Variants in ZNF710 observed in about 807,000 individuals in gnomAD.
ZNF710 encodes the protein zinc finger protein 710.
ZNF710 carries 13 observed loss-of-function variants against 50.6 expected under a neutral mutation model. The observed-to-expected ratio is 0.26, with a 90% CI of 0.17 to 0.41. ZNF710 has a LOEUF of 0.41. Ranked by LOEUF, ZNF710 falls within the 10% of genes least tolerant of loss-of-function variation. The pLI is 1.00. For synonymous variants in ZNF710, 383 were observed against 397.0 expected, an observed-to-expected ratio of 0.96 and a Z score of 0.42; for missense variants, 721 against 936.6, an observed-to-expected ratio of 0.77 and a Z score of 3.01.
In ZNF710 at chr15:90,062,505, G is replaced by A. The variant is rs1190806030; in HGVS notation, c.-28-4605G>A. Among the ~76,000 whole-genome samples the A allele has an allele frequency of 6.6e-6, 1 of 152,144 alleles. No individual in the cohort carries two copies. The highest frequency in any genetic ancestry group is 2.4e-5 in the African/African-American group (1 of 41,442). On this transcript the variant is annotated intron_variant, in intron 1 of 4. Coordinates refer to ENST00000268154, the MANE Select transcript of ZNF710 (RefSeq NM_198526.4). This position sits in a 1 kb window ranked among gnomAD's most constrained non-coding sequence, Gnocchi z 5.6. ...GAGAGGCCCTGCTCTAAGAAGGGAG[G>A]GGCCCCAGTGGGGCCCCAGGCGGAT...
At chr15:90,012,605 G>A (rs544938672) in intron 1 of ZNF710, among the ~76,000 whole-genome samples, 1 of 152,040 alleles carries the variant, frequency 6.6e-6, no homozygotes, top group South Asian at 2.1e-4. Flanking sequence ...TATTCCGGGT[G>A]TTTTCAGGGT....
Position 90,073,077 on chromosome 15 carries a change from A to C in ZNF710, c.1465A>C (p.Lys489Gln), listed in dbSNP as rs1361583272. 1 of 1,613,652 alleles carries C rather than the reference A, an allele frequency of 6.2e-7. No homozygotes were observed. Reference sequence around the variant, plus strand: ...ATCACCCCCCACCCCACAGGGCGTGAAGGAGTTCAAGTGCGAGGTGTGTGG... The same window carrying C: ...ATCACCCCCCACCCCACAGGGCGTGCAGGAGTTCAAGTGCGAGGTGTGTGG... ...KQHSLTHKGV[K>Q]EFKCEVCGRE... is the part of the protein sequence containing the mutation. The change falls in exon 3 of 5, where the codon AAG becomes CAG. Residue 489 changes from lysine (K) to glutamine (Q), a missense_variant. By Grantham distance (53) the Lys-to-Gln change is moderately conservative. Coordinates refer to ENST00000268154, the MANE Select transcript of ZNF710 (RefSeq NM_198526.4).
intron 1 of ZNF710, among the ~76,000 whole-genome samples, chr15:90,001,865 G>C (rs1237057027): frequency 1.5e-5 from 2 of 134,950 alleles, no homozygotes; most frequent in Admixed American, 1.5e-4. Context: ...GGGAAAGAGG[G>C]AGAGATGGCG....
upstream of ZNF710, among the ~76,000 whole-genome samples, chr15:90,000,551 C>T (rs1456034320): frequency 6.6e-6 from 1 of 152,214 alleles, no homozygotes; most frequent in African/African-American, 2.4e-5. Flanking sequence ...TGAGCCCCTT[C>T]TCCACCCGGG....
intron 1 of ZNF710, among the ~76,000 whole-genome samples, chr15:90,046,215 G>A (rs1899456050): frequency 1.3e-5 from 2 of 152,212 alleles, no homozygotes; most frequent in African/African-American, 4.8e-5. Context: ...TGGAGGTGTG[G>A]CCGGCAGGAC....
rs886613794 is a variant in ZNF710, at chr15:90,023,745, C to T, written c.-29+22131C>T. ...AGGCATGGTGGCTCACACCTGTAAT[C>T]CCAGCACTTTGGGAGGCCAAGGCAG... On this transcript the variant is annotated intron_variant, in intron 1 of 4. Transcript: ENST00000268154. 3.2e-4 allele frequency among the ~76,000 whole-genome samples: 48 copies of T among 152,094 alleles called. 1 individual carries two copies. The highest frequency in any genetic ancestry group is 8.8e-5 in the Non-Finnish European group (6 of 68,026).
At chr15:90,024,218 C>T (rs1050948138) in intron 1 of ZNF710, among the ~76,000 whole-genome samples, 5 of 152,354 alleles carry the variant, frequency 3.3e-5, no homozygotes, top group Admixed American at 1.3e-4. Flanking sequence ...GTATCTCTGC[C>T]CATCACTGCA....
intron 1 of ZNF710, among the ~76,000 whole-genome samples, chr15:90,009,054 G>A (rs537725003): frequency 2.0e-5 from 3 of 152,044 alleles, no homozygotes; most frequent in South Asian, 2.1e-4. Flanking sequence ...TCCACCCTCC[G>A]CATTTAAATG....
chr15:90,060,684 G>T (rs567202796), intron 1 of ZNF710, among the ~76,000 whole-genome samples: 10 of 152,102 alleles, frequency 6.6e-5, no homozygotes, highest in African/African-American at 2.4e-4. Context: ...TGAACACCTT[G>T]TCTCTATTAA....
At position 90,019,367 on chromosome 15, in the gene ZNF710, A is replaced by G. The variant is rs533933850; in HGVS notation, c.-29+17753A>G. Among the ~76,000 whole-genome samples, 251 of 152,222 alleles carry G rather than the reference A, an allele frequency of 1.6e-3. 1 individual carries two copies. The highest frequency in any genetic ancestry group is 5.9e-3 in the African/African-American group (246 of 41,512). On this transcript the variant is annotated intron_variant, in intron 1 of 4. Coordinates refer to ENST00000268154, the MANE Select transcript of ZNF710 (RefSeq NM_198526.4). The stretch of plus-strand genomic sequence containing the variant: ...TGTTTCCTCTGTTTCTGTCTTGTAA[A>G]GAATGCTGTGGTAAACATCCTTGGG...
At chr15:90,033,730 A>G (rs1899018081) in intron 1 of ZNF710, among the ~76,000 whole-genome samples, 1 of 152,118 alleles carries the variant, frequency 6.6e-6, no homozygotes, top group African/African-American at 2.4e-5. Context: ...AGCTTGTCCC[A>G]TAGACTTGGT....
intron 2 of ZNF710, among the ~76,000 whole-genome samples, chr15:90,071,675 TAC>T (rs1332609627): frequency 1.5e-4 from 21 of 144,166 alleles, no homozygotes; most frequent in African/African-American, 5.2e-4. Flanking sequence ...TATTTATTTT[TAC>T]TCTTTTTTTT....
intron 1 of ZNF710, among the ~76,000 whole-genome samples, chr15:90,058,260 G>A (rs1409947901): frequency 2.6e-5 from 4 of 152,192 alleles, no homozygotes; most frequent in Non-Finnish European, 5.9e-5. Flanking sequence ...GAAGGCACTT[G>A]GGGTGGGGAG....
chr15:90,027,852 A>G (rs1898824726), intron 1 of ZNF710, among the ~76,000 whole-genome samples: 1 of 151,808 alleles, frequency 6.6e-6, no homozygotes, highest in Non-Finnish European at 1.5e-5. Flanking sequence ...TCTCGAAAAA[A>G]AAAAAAAAAG....
intron 1 of ZNF710, among the ~76,000 whole-genome samples, chr15:90,023,634 TG>T (rs1172128217): frequency 4.6e-5 from 7 of 152,062 alleles, no homozygotes; most frequent in African/African-American, 1.7e-4. Context: ...CAGTGAACCA[TG>T]ATCACACCAC....
intron 1 of ZNF710, among the ~76,000 whole-genome samples, chr15:90,019,415 T>C (rs1198149005): frequency 1.3e-5 from 2 of 152,158 alleles, no homozygotes; most frequent in Non-Finnish European, 1.5e-5. Flanking sequence ...CAGACTTGGT[T>C]ATTTCCTTGG....
At chr15:90,077,537 C>G (rs1285773836) in intron 4 of ZNF710, among the ~76,000 whole-genome samples, 1 of 152,108 alleles carries the variant, frequency 6.6e-6, no homozygotes, top group Non-Finnish European at 1.5e-5. Flanking sequence ...AGCCACTGCG[C>G]CTGGCCCCCA....
Position 90,034,428 on chromosome 15 carries a change from CTGTG to C in ZNF710, c.-28-32638_-28-32635del, listed in dbSNP as rs398028304. 0.26 allele frequency among the ~76,000 whole-genome samples: 35,760 copies of C among 135,800 alleles called. 4,773 individuals carry two copies. Among genetic ancestry groups the C allele is most frequent in the Middle Eastern group, 0.37 (101 of 270 alleles). 89.1% of individuals were successfully genotyped at this position (135,800 alleles called of 152,430 possible). A position where few individuals can be genotyped will look rare whatever the true frequency, so the allele number is the denominator to read the frequency against. On this transcript the variant is annotated intron_variant, in intron 1 of 4. Coordinates refer to ENST00000268154, the MANE Select transcript of ZNF710 (RefSeq NM_198526.4). This position sits in a 1 kb window ranked among gnomAD's most constrained non-coding sequence, Gnocchi z 4.0. ...AGCTGTCCTTCCTGTTTCCAAATTC[CTGTG>C]TGTGTGTGTGTGTGTGTGTGTGTGT...
At chr15:90,028,855 A>G (rs1898852550) in intron 1 of ZNF710, among the ~76,000 whole-genome samples, 1 of 152,202 alleles carries the variant, frequency 6.6e-6, no homozygotes, top group Non-Finnish European at 1.5e-5. Flanking sequence ...AGATAAGGGA[A>G]AACAAGTAGG....
Sources: gnomAD v4.1 joint callset for allele counts (sites outside exome capture counted in the v4.1 genomes callset) on GRCh38, gnomAD v4.1.1 for gene constraint, Gnocchi (gnomAD v3.1) non-coding constraint, MANE v1.5 for transcripts, NCBI Gene and HGNC (gene_info 2026-07-23, HGNC 2026-07-21) for gene names.